Variants in KLF8 observed in about 807,000 individuals in gnomAD.
KLF8 encodes the protein KLF transcription factor 8.
KLF8 carries 10 observed loss-of-function variants against 18.2 expected under a neutral mutation model. The ratio of observed to expected loss-of-function variants is 0.55; its 90% CI spans 0.34 to 0.93. KLF8 has a LOEUF of 0.93. KLF8 is among the 40% of genes least tolerant of loss of function. The pLI is 0.02. For synonymous variants in KLF8, 109 were observed against 97.3 expected, an observed-to-expected ratio of 1.12 and a Z score of -0.71; for missense variants, 264 against 277.9, an observed-to-expected ratio of 0.95 and a Z score of 0.36.
chrX:55,950,272 G>T, the KLF8 span, among the ~76,000 whole-genome samples: 1 of 110,899 alleles, frequency 9.0e-6, no homozygotes, highest in Non-Finnish European at 1.9e-5. Flanking sequence ...AAGAAGAAGA[G>T]CTGGTTGTCA....
At chrX:56,049,165 G>T in the KLF8 span, among the ~76,000 whole-genome samples, 2 of 111,230 alleles carry the variant, frequency 1.8e-5, no homozygotes, top group Admixed American at 1.9e-4. Context: ...GGAGATTTTG[G>T]GCTGAGACGA....
At chrX:55,939,837 A>G in the KLF8 span, among the ~76,000 whole-genome samples, 1 of 112,087 alleles carries the variant, frequency 8.9e-6, no homozygotes, top group East Asian at 2.8e-4. Flanking sequence ...AAGAAGTTGA[A>G]TCTCTGAATA....
chrX:56,166,618 A>C, the KLF8 span, among the ~76,000 whole-genome samples: 1 of 112,208 alleles, frequency 8.9e-6, no homozygotes, highest in African/African-American at 3.2e-5. Context: ...CAGATGGAGT[A>C]GCATATAGTG....
chrX:56,186,763 C>A, the KLF8 span, among the ~76,000 whole-genome samples: 1 of 112,155 alleles, frequency 8.9e-6, no homozygotes, highest in East Asian at 2.8e-4. Flanking sequence ...GAACAACCTG[C>A]TCCTGAATGA....
chrX:56,008,616 G>C, the KLF8 span, among the ~76,000 whole-genome samples: 1 of 111,956 alleles, frequency 8.9e-6, no homozygotes, highest in Non-Finnish European at 1.9e-5. Context: ...ACTTGGCTGG[G>C]GACTGCCTGA....
chrX:56,149,091 G>A, the KLF8 span, among the ~76,000 whole-genome samples: 2 of 111,992 alleles, frequency 1.8e-5, no homozygotes, highest in Non-Finnish European at 3.8e-5. Flanking sequence ...AAAGACCAGT[G>A]AAGGAGTGGT....
chrX:56,121,226 C>T, the KLF8 span, among the ~76,000 whole-genome samples: 1 of 107,977 alleles, frequency 9.3e-6, no homozygotes, highest in Non-Finnish European at 1.9e-5. Context: ...AATTCAGACA[C>T]CACACACATA....
the KLF8 span, among the ~76,000 whole-genome samples, chrX:55,997,541 G>A: frequency 1.8e-5 from 2 of 111,488 alleles, no homozygotes; most frequent in Admixed American, 1.9e-4. Flanking sequence ...TGACAACCAT[G>A]TGTAGGATTC....
chrX:56,191,537 T>C, the KLF8 span, among the ~76,000 whole-genome samples: 6 of 111,808 alleles, frequency 5.4e-5, no homozygotes, highest in East Asian at 1.4e-3. Context: ...TAAGTATTGA[T>C]GCAAAAATTC....
At chrX:56,161,665 T>C in the KLF8 span, among the ~76,000 whole-genome samples, 1 of 111,592 alleles carries the variant, frequency 9.0e-6, no homozygotes, top group Middle Eastern at 4.2e-3. Context: ...AATTAGCCAT[T>C]CGTGTAATTT....
chrX:56,222,849 C>G, the KLF8 span, among the ~76,000 whole-genome samples: 3 of 113,099 alleles, frequency 2.7e-5, no homozygotes, highest in African/African-American at 6.4e-5. Flanking sequence ...GCTCCGAGTG[C>G]GGGGCCAGCC....
At chrX:56,008,118 C>CTATATA in the KLF8 span, among the ~76,000 whole-genome samples, 2,472 of 99,757 alleles carry the variant, frequency 0.025, 103 homozygotes, top group African/African-American at 0.089. Context: ...TAGTGCAAAG[C>CTATATA]TATATATATA....
At chrX:56,181,113 C>A in the KLF8 span, among the ~76,000 whole-genome samples, 1 of 111,358 alleles carries the variant, frequency 9.0e-6, no homozygotes, top group Non-Finnish European at 1.9e-5. Context: ...CTTTGTAGGT[C>A]TCTAAGGACT....
chrX:56,141,811 G>T, the KLF8 span, among the ~76,000 whole-genome samples: 2 of 111,770 alleles, frequency 1.8e-5, no homozygotes, highest in Non-Finnish European at 3.8e-5. Flanking sequence ...CTACCACCTG[G>T]TGATGATACA....
chrX:56,099,431 C>A, the KLF8 span, among the ~76,000 whole-genome samples: 1 of 111,122 alleles, frequency 9.0e-6, no homozygotes, highest in East Asian at 2.8e-4. Context: ...AAATTAGTAA[C>A]CCTGCAATGC....
the KLF8 span, among the ~76,000 whole-genome samples, chrX:56,082,026 A>C: frequency 9.0e-6 from 1 of 111,405 alleles, no homozygotes. Context: ...GAGATGGATT[A>C]GTGTTGATTC....
the KLF8 span, among the ~76,000 whole-genome samples, chrX:56,162,571 G>T: frequency 8.9e-6 from 1 of 112,062 alleles, no homozygotes; most frequent in Non-Finnish European, 1.9e-5. Flanking sequence ...TCCAAGCCAA[G>T]CATAGGATAT....
chrX:56,031,914 G>A, the KLF8 span, among the ~76,000 whole-genome samples: 1 of 111,540 alleles, frequency 9.0e-6, no homozygotes, highest in South Asian at 3.8e-4. Flanking sequence ...CGATCTAGGG[G>A]GTATGTGACA....
intron 2 of KLF8, among the ~76,000 whole-genome samples, chrX:56,251,799 A>G (rs2066718222): frequency 9.0e-6 from 1 of 110,969 alleles, no homozygotes; most frequent in African/African-American, 3.3e-5. Context: ...AGGCGTATAT[A>G]TTTATGGGAT....
Sources: allele counts gnomAD v4.1 joint callset (sites outside exome capture counted in the v4.1 genomes callset), GRCh38; gene constraint gnomAD v4.1.1; transcripts MANE v1.5; gene names NCBI Gene and HGNC (gene_info 2026-07-23, HGNC 2026-07-21).